The following ELK3 variants were observed in gnomAD, a reference collection of about 807,000 sequenced individuals.
ELK3 encodes the protein ETS domain-containing protein Elk-3.
A neutral mutation model predicts 28.9 loss-of-function variants in ELK3; 10 were observed. The ratio of observed to expected loss-of-function variants is 0.35; its 90% CI spans 0.21 to 0.59. The LOEUF is 0.59. Among genes scored for constraint, ELK3 ranks in the 20% least tolerant of loss-of-function variants. ELK3 has a pLI of 0.82. For synonymous variants in ELK3, 272 were observed against 243.5 expected (o/e 1.12, Z -1.09); for missense variants, 463 against 517.3 (o/e 0.90, Z 1.02).
At position 96,267,253 on chromosome 12, in the gene ELK3, T is replaced by G; in HGVS notation, c.*73T>G. 7.7e-7 allele frequency: 1 copy of G among 1,303,698 alleles called. No homozygotes were observed. The highest frequency in any genetic ancestry group is 1.1e-6 in the Non-Finnish European group (1 of 935,162). 80.8% of individuals were successfully genotyped at this position (1,303,698 alleles called of 1,614,324 possible). On this transcript the variant is annotated 3_prime_UTR_variant, in exon 5 of 5. Transcript: ENST00000228741. ...GTCCCCACGGGCTAGTTTACCTGTGTCGTGAGAAGGACATTGTGAAACTCT... is the reference window on the plus strand; with the variant it reads ...GTCCCCACGGGCTAGTTTACCTGTGGCGTGAGAAGGACATTGTGAAACTCT...
At chr12:96,218,212 C>T (rs1175927891) in intron 1 of ELK3, among the ~76,000 whole-genome samples, 1 of 152,074 alleles carries the variant, frequency 6.6e-6, no homozygotes, top group Non-Finnish European at 1.5e-5. Flanking sequence ...GGTGAGAGAC[C>T]AGCCAGAGAC....
intron 1 of ELK3, among the ~76,000 whole-genome samples, chr12:96,197,453 G>A (rs1951479199): frequency 6.6e-6 from 1 of 152,224 alleles, no homozygotes; most frequent in South Asian, 2.1e-4. Context: ...TCTTTAACAC[G>A]CATTCAGTCA....
chr12:96,205,578 ATCT>A (rs576707754), intron 1 of ELK3, among the ~76,000 whole-genome samples: 246 of 152,126 alleles, frequency 1.6e-3, no homozygotes, highest in African/African-American at 4.5e-3. Context: ...GGCTCACATG[ATCT>A]TCCCACCTCA....
chr12:96,231,285 C>A (rs537502715), intron 2 of ELK3, among the ~76,000 whole-genome samples: 2 of 152,276 alleles, frequency 1.3e-5, no homozygotes, highest in East Asian at 3.9e-4. Flanking sequence ...CAGTAAGGAT[C>A]TTTTTCAGAG....
chr12:96,218,765 T>C (rs546237362), intron 1 of ELK3, among the ~76,000 whole-genome samples: 9 of 151,732 alleles, frequency 5.9e-5, no homozygotes, highest in African/African-American at 9.7e-5. Context: ...TCTCCTGCCT[T>C]AGCCTCCCGA....
intron 1 of ELK3, among the ~76,000 whole-genome samples, chr12:96,219,875 C>T (rs753048286): frequency 6.6e-6 from 1 of 152,146 alleles, no homozygotes; most frequent in Non-Finnish European, 1.5e-5. Context: ...GTGGATCCAC[C>T]AGGTTGAAGG....
intron 2 of ELK3, among the ~76,000 whole-genome samples, chr12:96,231,241 G>A (rs1951739959): frequency 6.6e-6 from 1 of 152,238 alleles, no homozygotes; most frequent in Admixed American, 6.5e-5. Flanking sequence ...TTTAAACTGA[G>A]TCTTCCAGAA....
chr12:96,204,809 A>C (rs1043383346), intron 1 of ELK3, among the ~76,000 whole-genome samples: 1 of 152,250 alleles, frequency 6.6e-6, no homozygotes, highest in Non-Finnish European at 1.5e-5. Context: ...TAACACTAAA[A>C]GTTAACAATA....
rs766764247 is a variant in ELK3 at position 96,247,024 on chromosome 12, G to T, written c.292G>T (p.Val98Leu). Reference sequence around the variant, plus strand: ...GATCCTGAAGATGGATCCTCACGCGGTGGAGATCAGCCGGGAGAGCCTTCT... The same window carrying T: ...GATCCTGAAGATGGATCCTCACGCGTTGGAGATCAGCCGGGAGAGCCTTCT... ...PEILKMDPHA[V>L]EISRESLLLQ... Residue 98 changes from valine (V) to leucine (L), a missense_variant, in exon 3 of 5, where the codon GTG becomes TTG. Val to Leu is a conservative substitution (Grantham distance 32, BLOSUM62 1). Around this residue, in one of 2 missense-constraint regions of ELK3, gnomAD observed 408 missense variants for 414.8 expected, o/e 0.98. Transcript: ENST00000228741. The surrounding 1 kb of genome is among the most constrained non-coding windows in gnomAD (Gnocchi z 5.5). 1 of 1,614,192 alleles carries T rather than the reference G, an allele frequency of 6.2e-7. No homozygotes were observed. The highest frequency in any genetic ancestry group is 1.1e-5 in the South Asian group (1 of 91,090).
intron 2 of ELK3, among the ~76,000 whole-genome samples, chr12:96,227,616 G>A (rs1413441243): frequency 2.0e-5 from 3 of 150,072 alleles, no homozygotes; most frequent in Non-Finnish European, 4.5e-5. Flanking sequence ...CGGTCAGAAA[G>A]GCCCCGGAGG....
chr12:96,236,801 T>C (rs1293720426), intron 2 of ELK3, among the ~76,000 whole-genome samples: 2 of 152,200 alleles, frequency 1.3e-5, no homozygotes, highest in African/African-American at 4.8e-5. Context: ...GACCCCAAAC[T>C]TGGTGGCTCA....
At chr12:96,237,620 C>T (rs1306789076) in intron 2 of ELK3, among the ~76,000 whole-genome samples, 3 of 152,178 alleles carry the variant, frequency 2.0e-5, no homozygotes, top group Non-Finnish European at 2.9e-5. Flanking sequence ...AGTGTGTATT[C>T]AGTGTTCACT....
At chr12:96,231,724 T>A (rs1012557284) in intron 2 of ELK3, among the ~76,000 whole-genome samples, 6 of 152,206 alleles carry the variant, frequency 3.9e-5, no homozygotes, top group African/African-American at 1.4e-4. Flanking sequence ...CCTCAGGTGA[T>A]CTGCTCGCCT....
At chr12:96,201,387 G>T (rs945446241) in intron 1 of ELK3, among the ~76,000 whole-genome samples, 1 of 152,022 alleles carries the variant, frequency 6.6e-6, no homozygotes, top group Non-Finnish European at 1.5e-5. Context: ...TTGGGAGGCT[G>T]AAGCAGGCAG....
chr12:96,207,194 C>T (rs1951543572), intron 1 of ELK3, among the ~76,000 whole-genome samples: 3 of 152,166 alleles, frequency 2.0e-5, no homozygotes, highest in Admixed American at 2.0e-4. Context: ...ACCTTAACAC[C>T]ACTGTGTTTT....
chr12:96,242,616 C>T (rs781635759), intron 2 of ELK3, among the ~76,000 whole-genome samples: 7 of 152,186 alleles, frequency 4.6e-5, no homozygotes, highest in Non-Finnish European at 1.0e-4. Flanking sequence ...AGTGCAGCTG[C>T]AGGGACACAC....
At chr12:96,196,594 G>A (rs1056309663) in intron 1 of ELK3, among the ~76,000 whole-genome samples, 1 of 152,120 alleles carries the variant, frequency 6.6e-6, no homozygotes, top group Non-Finnish European at 1.5e-5. Context: ...TACAAATTGT[G>A]TTAGGAGGGC....
intron 3 of ELK3, among the ~76,000 whole-genome samples, chr12:96,256,333 G>C (rs1951948614): frequency 6.6e-6 from 1 of 152,210 alleles, no homozygotes; most frequent in South Asian, 2.1e-4. Context: ...TGCATGCAGG[G>C]TTTATGTCTT....
intron 3 of ELK3, among the ~76,000 whole-genome samples, chr12:96,255,738 T>C (rs1004908895): frequency 7.2e-5 from 11 of 152,280 alleles, no homozygotes; most frequent in Middle Eastern, 3.4e-3. Flanking sequence ...GCATGAGACG[T>C]CATGAAATTG....
Sources: gnomAD v4.1 joint callset for allele counts (sites outside exome capture counted in the v4.1 genomes callset) on GRCh38, gnomAD v4.1.1 for gene constraint, gnomAD v4.1.1 regional missense constraint, Gnocchi (gnomAD v3.1) non-coding constraint, MANE v1.5 for transcripts, NCBI Gene and HGNC (gene_info 2026-07-23, HGNC 2026-07-21) for gene names.